Variants in NRXN3 observed in about 807,000 individuals in gnomAD.
NRXN3 encodes neurexin III.
Under a neutral mutation model 137.6 loss-of-function variants are expected in NRXN3, and 32 were observed. That is an observed-to-expected ratio of 0.23 (90% CI 0.18 to 0.31). NRXN3 has a LOEUF of 0.31. Among genes scored for constraint, NRXN3 ranks in the 10% least tolerant of loss-of-function variants. NRXN3 has a pLI of 1.00. For missense variants in NRXN3, 1,574 were observed against 2,062.5 expected (o/e 0.76, Z 4.59); for synonymous variants, 798 against 784.5 (o/e 1.02, Z -0.29).
rs145055338 is a variant in NRXN3, at chr14:78,237,308, A to G, written c.-703-5083A>G. Among the ~76,000 whole-genome samples, 459 of 152,344 alleles carry G rather than the reference A, an allele frequency of 3.0e-3. 3 individuals are homozygous for G. The highest frequency in any genetic ancestry group is 7.7e-3 in the South Asian group (37 of 4,830). ...GGTCACAACCCAACTCAAACTTGCT[A>G]AAGGAAAAAAAGTTTTGGTTCATGA... On this transcript the variant is annotated intron_variant, in intron 1 of 20. Transcript: ENST00000335750.
chr14:79,417,498 C>T (rs2153526593), intron 15 of NRXN3, among the ~76,000 whole-genome samples: 1 of 152,172 alleles, frequency 6.6e-6, no homozygotes, highest in African/African-American at 2.4e-5. Flanking sequence ...GCTGTAGCTG[C>T]CTCCTGAACT....
At chr14:79,085,314 C>T (rs568061893) in intron 15 of NRXN3, among the ~76,000 whole-genome samples, 4 of 152,190 alleles carry the variant, frequency 2.6e-5, no homozygotes, top group East Asian at 1.9e-4. Context: ...TAAGCAGTAT[C>T]CCTTAGCACT....
chr14:79,317,633 C>T (rs1466139662), intron 15 of NRXN3, among the ~76,000 whole-genome samples: 1 of 152,084 alleles, frequency 6.6e-6, no homozygotes. Context: ...GAAGGAAAAG[C>T]CCCGGCAACC....
chr14:79,329,965 C>T (rs982427724), intron 15 of NRXN3, among the ~76,000 whole-genome samples: 11 of 151,546 alleles, frequency 7.3e-5, no homozygotes, highest in East Asian at 1.9e-4. Context: ...CTCAGCTTTC[C>T]GAGTAGTGGG....
chr14:79,485,432 A>G (rs2096646800), intron 16 of NRXN3, among the ~76,000 whole-genome samples: 1 of 152,116 alleles, frequency 6.6e-6, no homozygotes, highest in Non-Finnish European at 1.5e-5. Context: ...TTCTGAGACT[A>G]TGAATAATTC....
Position 78,243,492 on chromosome 14 carries a change from G to A in NRXN3, c.399G>A (p.Glu133=), listed in dbSNP as rs758664916. Residue 133 remains glutamate, a synonymous_variant, in exon 2 of 21, where the codon GAG becomes GAA. Transcript: ENST00000335750. The surrounding 1 kb of genome is among the most constrained non-coding windows in gnomAD (Gnocchi z 4.2). ...LMLDGEGQSG[E]LQPQRPYMDV... ...TTGATGGCGAGGGCCAGTCTGGGGA[G>A]CTGCAGCCCCAGCGGCCCTACATGG... 3 of 1,590,696 alleles carry A rather than the reference G, an allele frequency of 1.9e-6. No homozygotes were observed. The African/African-American group carries it at 4.0e-5, about 21-fold the overall frequency.
chr14:78,502,510 C>T (rs1361627006), intron 4 of NRXN3, among the ~76,000 whole-genome samples: 3 of 152,114 alleles, frequency 2.0e-5, no homozygotes, highest in Admixed American at 6.5e-5. Flanking sequence ...GCTTACTGGA[C>T]CCAGTCCTAC....
In NRXN3 at chr14:78,482,512, G is replaced by A. The variant is rs182493134; in HGVS notation, c.758-162608G>A. On this transcript the variant is annotated intron_variant, in intron 4 of 20. Transcript: ENST00000335750. The stretch of plus-strand genomic sequence containing the variant: ...AGACATCTTGAAATGCAGTCAGGAC[G>A]TAGCGGTGCTGAGCCCATTATAAGA... 2.0e-5 allele frequency among the ~76,000 whole-genome samples: 3 copies of A among 152,294 alleles called. No homozygotes were observed. The East Asian group carries it at 5.8e-4, about 29-fold the overall frequency.
At chr14:78,977,757 G>A (rs1386529485) in intron 14 of NRXN3, among the ~76,000 whole-genome samples, 3 of 152,150 alleles carry the variant, frequency 2.0e-5, no homozygotes, top group Non-Finnish European at 2.9e-5. Flanking sequence ...ACCATCAAGA[G>A]CAGTGCTGTG....
At position 78,897,672 on chromosome 14, in the gene NRXN3, C is replaced by G. The variant is rs141377036; in HGVS notation, c.2276-59570C>G. 6.7e-3 allele frequency among the ~76,000 whole-genome samples: 1,022 copies of G among 151,962 alleles called. 12 individuals carry two copies. The highest frequency in any genetic ancestry group is 0.023 in the African/African-American group (969 of 41,480). The stretch of plus-strand genomic sequence containing the variant: ...CTCCTCCACCTCCACTCTGTCCTGG[C>G]CAGCACCCAGTTCTCAAGCATTACA... On this transcript the variant is annotated intron_variant, in intron 10 of 20. Transcript: ENST00000335750.
At chr14:79,258,236 C>T (rs979899425) in intron 15 of NRXN3, among the ~76,000 whole-genome samples, 2 of 152,116 alleles carry the variant, frequency 1.3e-5, no homozygotes, top group Admixed American at 1.3e-4. Flanking sequence ...CTTGCTCTGT[C>T]ACCCAGGCTG....
chr14:78,888,291 A>T (rs1326651644), intron 10 of NRXN3, among the ~76,000 whole-genome samples: 1 of 152,044 alleles, frequency 6.6e-6, no homozygotes, highest in Non-Finnish European at 1.5e-5. Context: ...ACTCCTAACA[A>T]TTAAGAGAAT....
chr14:79,061,201 G>A (rs1198959360), intron 15 of NRXN3, among the ~76,000 whole-genome samples: 1 of 152,168 alleles, frequency 6.6e-6, no homozygotes, highest in Non-Finnish European at 1.5e-5. Flanking sequence ...TGCATAAAGA[G>A]ATCCCATCTT....
intron 4 of NRXN3, among the ~76,000 whole-genome samples, chr14:78,456,902 CTCCTTCCTTCCT>C (rs368874220): frequency 7.4e-6 from 1 of 135,020 alleles, no homozygotes; most frequent in African/African-American, 2.8e-5. Context: ...TCGTTCATTC[CTCCTTCCTTCCT>C]TCCTTCCTCT....
rs2099682788 is a variant in NRXN3, at chr14:79,067,912, G to C, written c.3262+79771G>C. 2.6e-5 allele frequency among the ~76,000 whole-genome samples: 4 copies of C among 151,992 alleles called. No individual in the cohort carries two copies. In the South Asian group the frequency reaches 8.3e-4, roughly 32 times the overall value. Reference sequence around the variant, plus strand: ...AAAATATTTTTTAGACTTGATAATTGTAGCTCTTGTTTGATGGCTGAAGTA... The same window carrying C: ...AAAATATTTTTTAGACTTGATAATTCTAGCTCTTGTTTGATGGCTGAAGTA... On this transcript the variant is annotated intron_variant, in intron 15 of 20. Coordinates refer to ENST00000335750, the MANE Select transcript of NRXN3 (RefSeq NM_001330195.2).
chr14:78,728,328 T>C, intron 8 of NRXN3, among the ~76,000 whole-genome samples: 1 of 152,194 alleles, frequency 6.6e-6, no homozygotes, highest in East Asian at 1.9e-4. Context: ...AATCTCATTA[T>C]CCAAACCTTA....
chr14:79,290,437 A>G (rs2082983048), intron 15 of NRXN3, among the ~76,000 whole-genome samples: 1 of 152,192 alleles, frequency 6.6e-6, no homozygotes. Context: ...AGACAGGCAG[A>G]GTCTGGTTAT....
chr14:79,715,021 G>A (rs948833080), intron 19 of NRXN3, among the ~76,000 whole-genome samples: 4 of 151,920 alleles, frequency 2.6e-5, no homozygotes, highest in Non-Finnish European at 5.9e-5. Flanking sequence ...TGGCGTGATC[G>A]GGGCTCACTG....
intron 4 of NRXN3, among the ~76,000 whole-genome samples, chr14:78,352,814 C>T (rs1312357648): frequency 2.0e-5 from 3 of 152,190 alleles, no homozygotes; most frequent in Non-Finnish European, 4.4e-5. Flanking sequence ...CCTTGAGGGG[C>T]TTGCTGTCAT....
Sources: gnomAD v4.1 joint callset for allele counts (sites outside exome capture counted in the v4.1 genomes callset) on GRCh38, gnomAD v4.1.1 for gene constraint, Gnocchi (gnomAD v3.1) non-coding constraint, MANE v1.5 for transcripts, NCBI Gene and HGNC (gene_info 2026-07-23, HGNC 2026-07-21) for gene names.